DNAH12: variants seen among roughly 807,000 people sequenced by gnomAD.
The protein encoded by DNAH12 is axonemal beta dynein heavy chain 12.
Under a neutral mutation model 371.5 loss-of-function variants are expected in DNAH12, and 285 were observed. The ratio of observed to expected loss-of-function variants is 0.77; its 90% CI spans 0.70 to 0.85. DNAH12 has a LOEUF of 0.85. Ranked by LOEUF, DNAH12 falls within the 40% of genes least tolerant of loss-of-function variation. DNAH12 has a pLI of 0.00. For synonymous variants in DNAH12, 1,200 were observed against 1,213.0 expected (o/e 0.99, Z 0.22); for missense variants, 3,611 against 3,689.4 (o/e 0.98, Z 0.55).
chr3:57,305,359 C>T (rs2061447291), intron 69 of DNAH12, among the ~76,000 whole-genome samples: 1 of 152,050 alleles, frequency 6.6e-6, no homozygotes, highest in Admixed American at 6.5e-5. Context: ...CTGCTCCTCG[C>T]CAGGCCGAGC....
At chr3:57,317,608 C>A (rs1039815122) in intron 65 of DNAH12, among the ~76,000 whole-genome samples, 1 of 152,168 alleles carries the variant, frequency 6.6e-6, no homozygotes, top group Non-Finnish European at 1.5e-5. Flanking sequence ...TTTCCACATA[C>A]TGGCTATTGT....
chr3:57,424,613 T>C (rs1403438281), intron 35 of DNAH12, among the ~76,000 whole-genome samples: 3 of 150,152 alleles, frequency 2.0e-5, no homozygotes, highest in African/African-American at 7.4e-5. Context: ...CCGTCTCTAC[T>C]AAAAATACAA....
intron 62 of DNAH12, among the ~76,000 whole-genome samples, chr3:57,326,596 T>A (rs966711730): frequency 5.9e-5 from 9 of 152,162 alleles, no homozygotes; most frequent in African/African-American, 2.2e-4. Flanking sequence ...TACCAGCCGC[T>A]GCAAAATCAT....
chr3:57,523,618 A>T lies in DNAH12; in HGVS notation c.253-9T>A. On this transcript the variant is annotated splice_polypyrimidine_tract_variant and intron_variant, in intron 3 of 73. Transcript: ENST00000495027. Reference sequence around the variant, plus strand: ...TTCATTTCACTGGTCATCTGTCAAAAACAAACAGGATATAATTAAATCAAG... The same window carrying T: ...TTCATTTCACTGGTCATCTGTCAAATACAAACAGGATATAATTAAATCAAG... 1.3e-6 allele frequency: 2 copies of T among 1,574,310 alleles called. No homozygotes were observed. Among genetic ancestry groups the T allele is most frequent in the South Asian group, 2.4e-5 (2 of 81,784 alleles).
At chr3:57,402,416 A>G (rs546857996) in intron 43 of DNAH12, 1 of 1,305,086 alleles carries the variant, frequency 7.7e-7, no homozygotes, top group East Asian at 5.5e-5. Context: ...GGTCACCGGG[A>G]CAGCAATAAA....
intron 2 of DNAH12, among the ~76,000 whole-genome samples, chr3:57,533,994 C>G (rs2068940233): frequency 6.6e-6 from 1 of 152,158 alleles, no homozygotes; most frequent in Admixed American, 6.5e-5. Context: ...CCCCAGGGTA[C>G]TTTAGCACTC....
At chr3:57,524,297 C>G (rs558460277) in intron 2 of DNAH12, among the ~76,000 whole-genome samples, 2 of 152,256 alleles carry the variant, frequency 1.3e-5, no homozygotes, top group South Asian at 4.1e-4. Context: ...CACTTACCAT[C>G]GTTTGATATA....
rs1235153503 is a variant in DNAH12, at chr3:57,510,844, T to G, written c.415A>C (p.Ser139Arg). The G allele has an allele frequency of 8.1e-6, 13 of 1,614,090 alleles. No individual in the cohort carries two copies. The highest frequency in any genetic ancestry group is 1.6e-4 in the Middle Eastern group (1 of 6,062). ...TCACTTGACACCTCATTTATGAGAC[T>G]TTCAAGAAGTTCTTCTCTTTCTTTC... ...EGKEREELLESLINEVSSDFE... is the reference protein window; with the variant it reads ...EGKEREELLERLINEVSSDFE... The change falls in exon 5 of 74, where the codon AGT (serine) becomes CGT (arginine). Residue 139 changes from serine (S) to arginine (R), a missense_variant. By Grantham distance (110) the Ser-to-Arg change is moderately radical (BLOSUM62 -1). Coordinates refer to ENST00000495027, the MANE Select transcript of DNAH12 (RefSeq NM_001366028.2).
chr3:57,508,437 C>T lies in DNAH12; in HGVS notation c.646G>A (p.Asp216Asn), dbSNP rs749107054. ...IIHPTMKMLL[D>N]LGYTTFADTV... ...TCAGCAAATGTTGTATAACCAAGGT[C>T]CAGTAACATTTTCATAGTTGGATGA... The change falls in exon 7 of 74, where the codon GAC becomes AAC. Residue 216 changes from aspartate (D) to asparagine (N), a missense_variant. Transcript: ENST00000495027. The T allele has an allele frequency of 4.3e-6, 7 of 1,612,662 alleles. No individual in the cohort carries two copies. Among genetic ancestry groups the T allele is most frequent in the African/African-American group, 4.0e-5 (3 of 74,798 alleles).
At chr3:57,505,887 G>T (rs2067740173) in intron 8 of DNAH12, among the ~76,000 whole-genome samples, 1 of 152,076 alleles carries the variant, frequency 6.6e-6, no homozygotes, top group Non-Finnish European at 1.5e-5. Flanking sequence ...TGGGACAATA[G>T]GCATGAGCCA....
chr3:57,381,649 A>C (rs961404843), intron 50 of DNAH12, among the ~76,000 whole-genome samples: 18 of 152,192 alleles, frequency 1.2e-4, no homozygotes, highest in African/African-American at 4.3e-4. Context: ...CCAAGGTCAC[A>C]CTGCTAGTGG....
At chr3:57,346,736 C>T (rs555517230) in intron 60 of DNAH12, among the ~76,000 whole-genome samples, 1 of 152,154 alleles carries the variant, frequency 6.6e-6, no homozygotes, top group African/African-American at 2.4e-5. Flanking sequence ...TAGAAAGACA[C>T]AGATACATTA....
chr3:57,302,529 GTATATATATA>G (rs71088055), intron 69 of DNAH12, among the ~76,000 whole-genome samples: 11 of 47,846 alleles, frequency 2.3e-4, no homozygotes, highest in South Asian at 1.2e-3. Flanking sequence ...GGCATCAGGT[GTATATATATA>G]TATATATATA....
chr3:57,539,835 C>T (rs889660945), intron 2 of DNAH12, among the ~76,000 whole-genome samples: 1 of 151,888 alleles, frequency 6.6e-6, no homozygotes, highest in African/African-American at 2.4e-5. Context: ...CCAGGATGGT[C>T]TTGATCTTCT....
intron 60 of DNAH12, among the ~76,000 whole-genome samples, chr3:57,344,845 C>A (rs577358324): frequency 1.3e-4 from 20 of 152,078 alleles, no homozygotes; most frequent in Non-Finnish European, 1.2e-4. Flanking sequence ...AAAAGAAGTT[C>A]TAGTATTCAA....
chr3:57,400,811 C>T (rs926722962), intron 43 of DNAH12, among the ~76,000 whole-genome samples: 1 of 152,118 alleles, frequency 6.6e-6, no homozygotes, highest in Admixed American at 6.5e-5. Flanking sequence ...GGATAGAACA[C>T]CTGACAGAAG....
At chr3:57,456,154 A>G (rs1365426307) in intron 22 of DNAH12, among the ~76,000 whole-genome samples, 2 of 152,236 alleles carry the variant, frequency 1.3e-5, no homozygotes, top group East Asian at 1.9e-4. Context: ...TAGAAGGTCA[A>G]TTTCTATACT....
At chr3:57,317,058 A>T (rs1027060252) in intron 65 of DNAH12, among the ~76,000 whole-genome samples, 1 of 152,192 alleles carries the variant, frequency 6.6e-6, no homozygotes, top group Non-Finnish European at 1.5e-5. Flanking sequence ...CAAGGCTTAT[A>T]TATTTAAACT....
chr3:57,300,701 C>T (rs2061327093), intron 70 of DNAH12, among the ~76,000 whole-genome samples: 1 of 152,084 alleles, frequency 6.6e-6, no homozygotes. Context: ...CTTACAAGCA[C>T]TGGTTATTTT....
Sources: allele counts gnomAD v4.1 joint callset (sites outside exome capture counted in the v4.1 genomes callset), GRCh38; gene constraint gnomAD v4.1.1; transcripts MANE v1.5; gene names NCBI Gene and HGNC (gene_info 2026-07-23, HGNC 2026-07-21).